Variants in ADORA2B observed in about 807,000 individuals in gnomAD.
ADORA2B encodes adenosine receptor A2b.
Under a neutral mutation model 20.8 loss-of-function variants are expected in ADORA2B, and 18 were observed. That is an observed-to-expected ratio of 0.87 (90% CI 0.60 to 1.29). The LOEUF is 1.29. ADORA2B is among the 50% of genes most tolerant of loss of function. ADORA2B has a pLI of 0.00. For missense variants in ADORA2B, 441 were observed against 422.7 expected, an observed-to-expected ratio of 1.04 and a Z score of -0.38; for synonymous variants, 179 against 178.3, an observed-to-expected ratio of 1.00 and a Z score of -0.03.
intron 1 of ADORA2B, among the ~76,000 whole-genome samples, chr17:15,946,763 GC>G (rs1969812016): frequency 2.0e-5 from 3 of 152,152 alleles, no homozygotes. Flanking sequence ...GGGTGTCAGA[GC>G]CGGGGCTTGA....
At chr17:15,872,589 G>T in the ADORA2B span, among the ~76,000 whole-genome samples, 1 of 152,136 alleles carries the variant, frequency 6.6e-6, no homozygotes, top group African/African-American at 2.4e-5. Context: ...GTGTTTTGTG[G>T]TTCTTCTTGT....
the ADORA2B span, among the ~76,000 whole-genome samples, chr17:15,881,322 C>T: frequency 2.4e-4 from 37 of 152,190 alleles, no homozygotes; most frequent in African/African-American, 8.7e-4. Context: ...AGGATGGTCT[C>T]GACCTCCAGA....
the ADORA2B span, among the ~76,000 whole-genome samples, chr17:15,853,578 A>G: frequency 2.6e-5 from 4 of 152,228 alleles, no homozygotes; most frequent in Non-Finnish European, 4.4e-5. Flanking sequence ...TGTTGATGAG[A>G]TGGTCAAAAT....
At chr17:15,870,193 A>G in the ADORA2B span, among the ~76,000 whole-genome samples, 1 of 148,104 alleles carries the variant, frequency 6.8e-6, no homozygotes, top group Non-Finnish European at 1.5e-5. Flanking sequence ...TTACAATTTG[A>G]CCCTTTATAG....
At chr17:15,971,671 C>G (rs1193272344) in intron 1 of ADORA2B, among the ~76,000 whole-genome samples, 1 of 149,344 alleles carries the variant, frequency 6.7e-6, no homozygotes, top group Non-Finnish European at 1.5e-5. Context: ...ACTCTGTCGC[C>G]CAGGTTGGAG....
At chr17:15,880,939 A>G in the ADORA2B span, among the ~76,000 whole-genome samples, 1 of 152,210 alleles carries the variant, frequency 6.6e-6, no homozygotes, top group African/African-American at 2.4e-5. Context: ...TACTTTTTAA[A>G]CATTTTTTTA....
the ADORA2B span, among the ~76,000 whole-genome samples, chr17:15,871,437 C>T: frequency 6.6e-6 from 1 of 152,148 alleles, no homozygotes; most frequent in Non-Finnish European, 1.5e-5. Context: ...AAATAGTTAA[C>T]CCAGGAGGCC....
the ADORA2B span, among the ~76,000 whole-genome samples, chr17:15,902,315 G>A: frequency 7.2e-5 from 11 of 151,790 alleles, no homozygotes; most frequent in African/African-American, 2.4e-4. Context: ...AGGTTCAAGC[G>A]ATTCTCCTGC....
chr17:15,925,619 T>C, the ADORA2B span, among the ~76,000 whole-genome samples: 1 of 152,224 alleles, frequency 6.6e-6, no homozygotes. Flanking sequence ...AGGATTTCTG[T>C]GCAGTTAGTA....
At chr17:15,962,070 A>C (rs1016671861) in intron 1 of ADORA2B, among the ~76,000 whole-genome samples, 1 of 152,172 alleles carries the variant, frequency 6.6e-6, no homozygotes, top group Non-Finnish European at 1.5e-5. Context: ...TGGGAGGCCA[A>C]AGTGGGTGGA....
At chr17:15,855,900 CT>C in the ADORA2B span, among the ~76,000 whole-genome samples, 2 of 151,934 alleles carry the variant, frequency 1.3e-5, no homozygotes, top group Admixed American at 6.6e-5. Flanking sequence ...TCCTCTAGAA[CT>C]TTTTTATCTT....
intron 1 of ADORA2B, among the ~76,000 whole-genome samples, chr17:15,964,129 T>C (rs1022691659): frequency 2.0e-5 from 3 of 152,212 alleles, no homozygotes; most frequent in Non-Finnish European, 2.9e-5. Context: ...AGAGATAAGG[T>C]GGTTTGCCCT....
At chr17:15,924,875 T>C in the ADORA2B span, among the ~76,000 whole-genome samples, 3 of 151,994 alleles carry the variant, frequency 2.0e-5, no homozygotes, top group Admixed American at 2.0e-4. Context: ...TTCTTTCTTT[T>C]TTTTTTTAAA....
chr17:15,961,632 A>G (rs1970043541), intron 1 of ADORA2B, among the ~76,000 whole-genome samples: 1 of 152,234 alleles, frequency 6.6e-6, no homozygotes, highest in Non-Finnish European at 1.5e-5. Flanking sequence ...ATAATTTATA[A>G]TGAAAACAAA....
At chr17:15,898,419 G>A in the ADORA2B span, among the ~76,000 whole-genome samples, 4 of 150,770 alleles carry the variant, frequency 2.7e-5, no homozygotes, top group South Asian at 4.2e-4. Context: ...TCAGCCTCCC[G>A]AGTAGCTGGG....
chr17:15,929,073 C>T, the ADORA2B span, among the ~76,000 whole-genome samples: 1 of 152,014 alleles, frequency 6.6e-6, no homozygotes. Context: ...GCAGGAGAAA[C>T]AGCATCTTCA....
chr17:15,899,186 C>CA, the ADORA2B span, among the ~76,000 whole-genome samples: 1 of 151,790 alleles, frequency 6.6e-6, no homozygotes, highest in African/African-American at 2.4e-5. Flanking sequence ...GCCAAGATAG[C>CA]ACCACTGCAC....
the ADORA2B span, among the ~76,000 whole-genome samples, chr17:15,923,001 A>G: frequency 6.6e-6 from 1 of 151,772 alleles, no homozygotes; most frequent in African/African-American, 2.4e-5. Context: ...TTCATTGCCC[A>G]TATTTCTTTT....
intron 1 of ADORA2B, among the ~76,000 whole-genome samples, chr17:15,946,710 C>T (rs999135589): frequency 2.0e-5 from 3 of 152,100 alleles, no homozygotes; most frequent in Admixed American, 2.0e-4. Flanking sequence ...GGGGTGATGG[C>T]CCAGGGAGGT....
Sources: allele counts gnomAD v4.1 joint callset (sites outside exome capture counted in the v4.1 genomes callset), GRCh38; gene constraint gnomAD v4.1.1; transcripts MANE v1.5; gene names NCBI Gene and HGNC (gene_info 2026-07-23, HGNC 2026-07-21).